Variants in CSN1S1 observed in about 807,000 individuals in gnomAD.
CSN1S1 encodes alpha-S1-casein.
A neutral mutation model predicts 49.1 loss-of-function variants in CSN1S1; 63 were observed. The ratio of observed to expected loss-of-function variants is 1.28; its 90% CI spans 1.05 to 1.58. The LOEUF (loss-of-function observed/expected upper bound fraction) is 1.58. CSN1S1 is among the 40% of genes most tolerant of loss of function. The pLI is 0.00. For missense variants in CSN1S1, 260 were observed against 224.7 expected (o/e 1.16, Z -1.01); for synonymous variants, 78 against 67.1 (o/e 1.16, Z -0.79).
chr4:69,942,112 T>C (rs760957742), intron 13 of CSN1S1, 49 bp downstream of exon 13: 41 of 1,129,226 alleles, frequency 3.6e-5, no homozygotes, highest in Admixed American at 2.5e-5. Flanking sequence ...CCTTCATGTG[T>C]TATGTTTTTA....
intron 2 of CSN1S1, among the ~76,000 whole-genome samples, chr4:69,933,449 G>A (rs1722672236): frequency 1.3e-5 from 2 of 151,926 alleles, no homozygotes. Flanking sequence ...TTCTCCTTTG[G>A]AAAGTGCAGA....
chr4:69,937,698 A>T, intron 8 of CSN1S1, 102 bp from the exon 9 acceptor site: 1 of 878,860 alleles, frequency 1.1e-6, no homozygotes, highest in Non-Finnish European at 1.7e-6. Context: ...ATATTGTCTC[A>T]GTTTTCTATT....
rs572479057 is a variant in CSN1S1, at chr4:69,941,989, C to T, written c.343-57C>T. ...AAATGAAGGTACCCAGCAAATGTTTCTTATTAATGAGTAAATAAAATGAAA... is the reference window on the plus strand; with the variant it reads ...AAATGAAGGTACCCAGCAAATGTTTTTTATTAATGAGTAAATAAAATGAAA... On this transcript the variant is annotated intron_variant, in intron 12 of 15. Transcript: ENST00000246891. 1.5e-5 allele frequency: 18 copies of T among 1,173,044 alleles called. 1 individual carries two copies. Among genetic ancestry groups the T allele is most frequent in the Admixed American group, 1.2e-4 (5 of 40,018 alleles). 72.7% of individuals were successfully genotyped at this position (1,173,044 alleles called of 1,614,324 possible).
chr4:69,940,167 C>G (rs1052991082), intron 11 of CSN1S1, 123 bp downstream of exon 11: 15 of 434,830 alleles, frequency 3.4e-5, no homozygotes, highest in Non-Finnish European at 8.0e-6. Flanking sequence ...ACATGCTATA[C>G]CAATGCCATC....
Position 69,942,043 on chromosome 4 carries a change from T to C in CSN1S1, c.343-3T>C. 1 of 1,466,322 alleles carries C rather than the reference T, an allele frequency of 6.8e-7. No homozygotes were observed. Among genetic ancestry groups the C allele is most frequent in the Non-Finnish European group, 9.2e-7 (1 of 1,085,948 alleles). 90.8% of individuals were successfully genotyped at this position (1,466,322 alleles called of 1,614,324 possible). On this transcript the variant is annotated splice_polypyrimidine_tract_variant and splice_region_variant and intron_variant, in intron 12 of 15. Transcript: ENST00000246891. ...CTAAAACAGAATGTTTTCTCCTCCCTAGCAAGCTGCCCATGCCCAGGTGAG... is the reference window on the plus strand; with the variant it reads ...CTAAAACAGAATGTTTTCTCCTCCCCAGCAAGCTGCCCATGCCCAGGTGAG...
intron 12 of CSN1S1, among the ~76,000 whole-genome samples, chr4:69,941,529 T>G (rs1722967112): frequency 6.6e-6 from 1 of 151,904 alleles, no homozygotes; most frequent in Non-Finnish European, 1.5e-5. Flanking sequence ...TTGACCCTTT[T>G]GAGTAACATA....
At chr4:69,933,707 G>A (rs1038671585) in intron 2 of CSN1S1, among the ~76,000 whole-genome samples, 3 of 151,896 alleles carry the variant, frequency 2.0e-5, no homozygotes, top group South Asian at 2.1e-4. Context: ...ACTGTTTAAC[G>A]TGGTCTTGTC....
At position 69,946,224 on chromosome 4, in the gene CSN1S1, TTCTCC is replaced by T; in HGVS notation, c.*33_*37del. On this transcript the variant is annotated 3_prime_UTR_variant, in exon 16 of 16. Coordinates refer to ENST00000246891, the MANE Select transcript of CSN1S1 (RefSeq NM_001890.2). Reference sequence around the variant, plus strand: ...TGATTGAAAATTTCATTCTCTGAATTTCTCCTCTCAAGGAAAACCATCTTATCTGA... The same window carrying T: ...TGATTGAAAATTTCATTCTCTGAATTTCTCAAGGAAAACCATCTTATCTGA... The T allele has an allele frequency of 1.9e-6, 1 of 535,842 alleles. No homozygotes were observed. The highest frequency in any genetic ancestry group is 3.5e-6 in the Non-Finnish European group (1 of 288,390). 33.2% of individuals were successfully genotyped at this position (535,842 alleles called of 1,614,324 possible).
intron 4 of CSN1S1, 125 bp from the exon 5 acceptor site, chr4:69,935,801 C>T: frequency 2.9e-6 from 2 of 689,430 alleles, no homozygotes. Context: ...GTGTCACATT[C>T]TCTATAATTT....
At position 69,944,976 on chromosome 4, in the gene CSN1S1, G is replaced by GA. The variant is rs1723113609; in HGVS notation, c.536dup (p.Asn179LysfsTer2). On this transcript the variant is annotated frameshift_variant, in exon 15 of 16. Transcript: ENST00000246891. LOFTEE classifies it high-confidence loss of function. The stretch of plus-strand genomic sequence containing the variant: ...CAATCCCACTGCTCATGAAAATTAT[G>GA]AAAAAAATAACGTCATGCTACAGTG... 1.2e-6 allele frequency: 2 copies of GA among 1,612,386 alleles called. No individual in the cohort carries two copies. Among genetic ancestry groups the GA allele is most frequent in the East Asian group, 2.2e-5 (1 of 44,816 alleles).
At chr4:69,935,856 G>A (rs1159625980) in intron 4 of CSN1S1, 70 bp from the exon 5 acceptor site, 8 of 980,058 alleles carry the variant, frequency 8.2e-6, no homozygotes, top group Non-Finnish European at 1.3e-5. Flanking sequence ...TTAATTCAAG[G>A]ACATTATCTA....
intron 15 of CSN1S1, among the ~76,000 whole-genome samples, chr4:69,945,578 A>T (rs1723135538): frequency 6.6e-6 from 1 of 152,058 alleles, no homozygotes; most frequent in Admixed American, 6.6e-5. Context: ...TTCCTGATTT[A>T]GCAAATCTTT....
At chr4:69,936,707 G>T in intron 7 of CSN1S1, 100 bp downstream of exon 7, 1 of 1,104,126 alleles carries the variant, frequency 9.1e-7, no homozygotes, top group South Asian at 1.6e-5. Context: ...CTATGGTTTT[G>T]TCCTTTCCTT....
At position 69,939,584 on chromosome 4, in the gene CSN1S1, A is replaced by G. The variant is rs139040608; in HGVS notation, c.276+376A>G. 4.4e-4 allele frequency among the ~76,000 whole-genome samples: 67 copies of G among 151,822 alleles called. 1 individual carries two copies. Among genetic ancestry groups the G allele is most frequent in the African/African-American group, 1.6e-3 (65 of 41,510 alleles). ...TCATAAACCATTTAGAATTTAACCA[A>G]TTCTAGATTAATCAGACACTGGACT... On this transcript the variant is annotated intron_variant, in intron 10 of 15. Coordinates refer to ENST00000246891, the MANE Select transcript of CSN1S1 (RefSeq NM_001890.2).
chr4:69,941,101 A>G (rs968121408), intron 12 of CSN1S1, 41 bp downstream of exon 12: 8 of 983,632 alleles, frequency 8.1e-6, no homozygotes, highest in Non-Finnish European at 1.2e-5. Flanking sequence ...ATATTCTACT[A>G]TAGAATTAAA....
intron 15 of CSN1S1, 78 bp from the exon 16 acceptor site, chr4:69,946,118 G>A (rs968570543): frequency 2.7e-5 from 11 of 410,586 alleles, no homozygotes; most frequent in Non-Finnish European, 4.1e-5. Context: ...ATAGTAAAAC[G>A]TGTTCTACCA....
intron 4 of CSN1S1, 122 bp downstream of exon 4, chr4:69,934,832 A>G (rs1722720813): frequency 1.2e-6 from 1 of 819,532 alleles, no homozygotes; most frequent in South Asian, 1.6e-5. Context: ...GCATCCAACA[A>G]CTCAAGTACC....
chr4:69,937,661 GT>G (rs948427429), intron 8 of CSN1S1, 138 bp from the exon 9 acceptor site: 22 of 630,050 alleles, frequency 3.5e-5, no homozygotes, highest in Admixed American at 7.6e-5. Flanking sequence ...AAAGTAGGCA[GT>G]TTTTTTAGTT....
At chr4:69,943,487 T>A (rs371500670) in intron 14 of CSN1S1, among the ~76,000 whole-genome samples, 1 of 152,020 alleles carries the variant, frequency 6.6e-6, no homozygotes, top group East Asian at 1.9e-4. Flanking sequence ...TTCAATGTAA[T>A]TATTTTTAAA....
Sources: allele counts gnomAD v4.1 joint callset (sites outside exome capture counted in the v4.1 genomes callset), GRCh38; gene constraint gnomAD v4.1.1; transcripts MANE v1.5; gene names NCBI Gene and HGNC (gene_info 2026-07-23, HGNC 2026-07-21).